SH3PXD2A: variants seen among roughly 807,000 people sequenced by gnomAD.
The protein encoded by SH3PXD2A is SH3 and PX domains 2A, also known as SH3 and PX domain-containing protein 2A.
Under a neutral mutation model 115.2 loss-of-function variants are expected in SH3PXD2A, and 32 were observed. The observed-to-expected ratio is 0.28, with a 90% CI of 0.21 to 0.37. The LOEUF is 0.37. SH3PXD2A is among the 10% of genes least tolerant of loss of function. The pLI, the probability that SH3PXD2A is intolerant of heterozygous loss-of-function variation, is 1.00. For synonymous variants in SH3PXD2A, 610 were observed against 629.1 expected (o/e 0.97, Z 0.45); for missense variants, 1,328 against 1,498.7 (o/e 0.89, Z 1.88).
intron 5 of SH3PXD2A, among the ~76,000 whole-genome samples, chr10:103,704,994 A>AG (rs1442731348): frequency 6.6e-6 from 1 of 152,082 alleles, no homozygotes; most frequent in Non-Finnish European, 1.5e-5. Flanking sequence ...TGCTTGTAGC[A>AG]GGGGGGCCAT....
intron 3 of SH3PXD2A, among the ~76,000 whole-genome samples, chr10:103,744,669 C>A (rs758461506): frequency 6.6e-5 from 10 of 152,224 alleles, no homozygotes; most frequent in Non-Finnish European, 1.3e-4. Context: ...GGCTTTGTTG[C>A]CATTTACTTG....
Position 103,601,992 on chromosome 10 carries a change from C to T in SH3PXD2A, c.3226G>A (p.Val1076Met). The T allele has an allele frequency of 4.3e-6, 7 of 1,614,038 alleles. No individual in the cohort carries two copies. The highest frequency in any genetic ancestry group is 5.9e-6 in the Non-Finnish European group (7 of 1,179,982). ...SQFIHNNLKDVYVSIADYEGD... is the reference protein window; with the variant it reads ...SQFIHNNLKDMYVSIADYEGD... ...TCGTAGTCTGCGATAGAGACGTACA[C>T]ATCTTTGAGGTTATTGTGGATGAAC... The change falls in exon 15 of 15, where the codon GTG becomes ATG. Residue 1076 changes from valine to methionine, a missense_variant. Physicochemically the swap from Val to Met is conservative, Grantham distance 21. Transcript: ENST00000369774.
At chr10:103,806,216 C>G (rs1414472034) in intron 1 of SH3PXD2A, among the ~76,000 whole-genome samples, 1 of 152,142 alleles carries the variant, frequency 6.6e-6, no homozygotes. Context: ...GCCTACCCCC[C>G]TGGACAGAGT....
At position 103,784,764 on chromosome 10, in the gene SH3PXD2A, G is replaced by T. The variant is rs2038965536; in HGVS notation, c.153+16518C>A. Among the ~76,000 whole-genome samples, 1 of 151,466 alleles carries T rather than the reference G, an allele frequency of 6.6e-6. No individual in the cohort carries two copies. Among genetic ancestry groups the T allele is most frequent in the African/African-American group, 2.4e-5 (1 of 41,144 alleles). On this transcript the variant is annotated intron_variant, in intron 2 of 14. Coordinates refer to ENST00000369774, the MANE Select transcript of SH3PXD2A (RefSeq NM_001394015.1). The surrounding 1 kb of genome is among the most constrained non-coding windows in gnomAD (Gnocchi z 4.4). ...GGGGAGGAGGAGGAGAAGTAAGAAG[G>T]AGGAAGGAAGGGGAGAAGGGGGAAA... is the stretch of plus-strand genomic sequence containing the variant.
At chr10:103,820,400 G>A (rs1450313334) in intron 1 of SH3PXD2A, among the ~76,000 whole-genome samples, 5 of 152,294 alleles carry the variant, frequency 3.3e-5, no homozygotes, top group South Asian at 2.1e-4. Flanking sequence ...AGAGTCCTGC[G>A]CAGCGGCCAG....
intron 14 of SH3PXD2A, among the ~76,000 whole-genome samples, chr10:103,604,919 T>C (rs996020497): frequency 6.6e-6 from 1 of 152,216 alleles, no homozygotes; most frequent in African/African-American, 2.4e-5. Context: ...AACATTCACA[T>C]TGGGAATGTC....
chr10:103,773,223 TCA>T (rs2038846213), intron 2 of SH3PXD2A, among the ~76,000 whole-genome samples: 1 of 57,914 alleles, frequency 1.7e-5, no homozygotes, highest in African/African-American at 7.1e-5. Context: ...AAACTCTGTC[TCA>T]AAAAAAAAAA....
intron 6 of SH3PXD2A, among the ~76,000 whole-genome samples, chr10:103,691,888 C>T (rs1412241134): frequency 3.9e-5 from 6 of 152,094 alleles, no homozygotes; most frequent in African/African-American, 1.5e-4. Flanking sequence ...TTTCCCTGTC[C>T]CAATAGGCAC....
intron 2 of SH3PXD2A, among the ~76,000 whole-genome samples, chr10:103,771,738 AACACACACACACACAC>A (rs3068820): frequency 9.8e-5 from 14 of 143,096 alleles, no homozygotes; most frequent in African/African-American, 2.8e-4. Context: ...CCGTCAAAAC[AACACACACACACACAC>A]ACACACACAC....
chr10:103,847,317 ATT>A (rs764722262), intron 1 of SH3PXD2A, among the ~76,000 whole-genome samples: 3 of 143,042 alleles, frequency 2.1e-5, no homozygotes, highest in East Asian at 2.0e-4. Flanking sequence ...GCTTTTTAGA[ATT>A]TTTTTTTTTT....
chr10:103,616,845 G>A (rs1364461603), intron 11 of SH3PXD2A, among the ~76,000 whole-genome samples: 3 of 152,238 alleles, frequency 2.0e-5, no homozygotes, highest in African/African-American at 4.8e-5. Flanking sequence ...CCTAGCTGTG[G>A]AGCACACCAG....
At chr10:103,654,145 C>T (rs546040953) in intron 8 of SH3PXD2A, among the ~76,000 whole-genome samples, 2 of 152,074 alleles carry the variant, frequency 1.3e-5, no homozygotes, top group Non-Finnish European at 2.9e-5. Context: ...GGACCATCAG[C>T]GTGGGGTTGT....
At chr10:103,822,035 C>T (rs942341595) in intron 1 of SH3PXD2A, among the ~76,000 whole-genome samples, 3 of 152,262 alleles carry the variant, frequency 2.0e-5, no homozygotes, top group African/African-American at 7.2e-5. Context: ...TCCTGAGTAG[C>T]TGGGATTACA....
chr10:103,780,675 C>CT (rs890795587), intron 2 of SH3PXD2A, among the ~76,000 whole-genome samples: 3 of 152,252 alleles, frequency 2.0e-5, no homozygotes, highest in African/African-American at 7.2e-5. Flanking sequence ...GCCAGAAGCA[C>CT]TGCCTGCACC....
intron 6 of SH3PXD2A, among the ~76,000 whole-genome samples, chr10:103,692,096 C>A (rs116009955): frequency 0.025 from 3,856 of 152,252 alleles, 161 homozygotes; most frequent in African/African-American, 0.088. Context: ...GTACAGCCAC[C>A]CTGTCAATAT....
chr10:103,830,800 T>G (rs12766594), intron 1 of SH3PXD2A, among the ~76,000 whole-genome samples: 33,782 of 152,160 alleles, frequency 0.22, 4,381 homozygotes, highest in Non-Finnish European at 0.29. Flanking sequence ...TAACCTATTT[T>G]CTGAGGACAC....
chr10:103,711,657 C>T (rs914194227), intron 5 of SH3PXD2A, among the ~76,000 whole-genome samples: 3 of 152,182 alleles, frequency 2.0e-5, no homozygotes, highest in Admixed American at 1.3e-4. Flanking sequence ...GCAAGTGGGG[C>T]AGAGACTCAG....
intron 1 of SH3PXD2A, among the ~76,000 whole-genome samples, chr10:103,845,306 G>A (rs1403997604): frequency 3.6e-5 from 5 of 138,620 alleles, no homozygotes; most frequent in African/African-American, 1.1e-4. Context: ...ACTCCAGCCT[G>A]GACGACAGAG....
At chr10:103,747,615 G>T (rs2038521159) in intron 3 of SH3PXD2A, among the ~76,000 whole-genome samples, 4 of 152,270 alleles carry the variant, frequency 2.6e-5, no homozygotes, top group African/African-American at 9.6e-5. Context: ...GCAGATGGAA[G>T]TCCTGGGTCG....
Sources: gnomAD v4.1 joint callset for allele counts (sites outside exome capture counted in the v4.1 genomes callset) on GRCh38, gnomAD v4.1.1 for gene constraint, Gnocchi (gnomAD v3.1) non-coding constraint, MANE v1.5 for transcripts, NCBI Gene and HGNC (gene_info 2026-07-23, HGNC 2026-07-21) for gene names.